Variants in EDIL3 observed in about 807,000 individuals in gnomAD.
The protein encoded by EDIL3 is EGF like and discoidin domains 3, also known as EGF-like repeat and discoidin I-like domain-containing protein 3.
A neutral mutation model predicts 67.4 loss-of-function variants in EDIL3; 37 were observed. The ratio of observed to expected loss-of-function variants is 0.55; its 90% CI spans 0.42 to 0.72. EDIL3 has a LOEUF of 0.72. Among genes scored for constraint, EDIL3 ranks in the 30% least tolerant of loss-of-function variants. EDIL3 has a pLI of 0.00. For missense variants in EDIL3, 527 were observed against 586.3 expected, an observed-to-expected ratio of 0.90 and a Z score of 1.04; for synonymous variants, 195 against 196.3, an observed-to-expected ratio of 0.99 and a Z score of 0.05.
intron 4 of EDIL3, among the ~76,000 whole-genome samples, chr5:84,144,611 A>G (rs750793344): frequency 1.3e-5 from 2 of 152,208 alleles, no homozygotes; most frequent in East Asian, 1.9e-4. Flanking sequence ...TTGACTCTGT[A>G]AAGTTATTTT....
chr5:83,995,479 A>G (rs1370752951), intron 9 of EDIL3, among the ~76,000 whole-genome samples: 1 of 152,190 alleles, frequency 6.6e-6, no homozygotes, highest in Non-Finnish European at 1.5e-5. Context: ...AGCAATAATC[A>G]TTAAAACTGC....
Position 84,382,721 on chromosome 5 carries a change from G to A in EDIL3, c.67+1587C>T, listed in dbSNP as rs1338171138. On this transcript the variant is annotated intron_variant, in intron 1 of 10. Coordinates refer to ENST00000296591, the MANE Select transcript of EDIL3 (RefSeq NM_005711.5). ...GAAGCACTCTCTTTTTTATATCGCT[G>A]GAGACTCGGCCGAGCAACTACTGGA... Among the ~76,000 whole-genome samples, 3 of 152,236 alleles carry A rather than the reference G, an allele frequency of 2.0e-5. No individual in the cohort carries two copies. The East Asian group carries it at 5.8e-4, about 29-fold the overall frequency.
intron 1 of EDIL3, among the ~76,000 whole-genome samples, chr5:84,345,059 C>T (rs1037357168): frequency 2.0e-5 from 3 of 152,136 alleles, no homozygotes; most frequent in African/African-American, 4.8e-5. Context: ...ATTCTCTCAT[C>T]TTTTCCCATG....
chr5:83,989,555 G>A (rs967128873), intron 9 of EDIL3, among the ~76,000 whole-genome samples: 4 of 152,196 alleles, frequency 2.6e-5, no homozygotes, highest in Non-Finnish European at 5.9e-5. Flanking sequence ...TCATTTGAAT[G>A]AAAGGGGACA....
chr5:83,983,747 T>C (rs1158018537), intron 9 of EDIL3, among the ~76,000 whole-genome samples: 2 of 150,798 alleles, frequency 1.3e-5, no homozygotes, highest in African/African-American at 4.9e-5. Flanking sequence ...ACTTTCTTTT[T>C]TTTTTTTTTT....
At chr5:84,382,149 T>C (rs1748089465) in intron 1 of EDIL3, among the ~76,000 whole-genome samples, 1 of 152,182 alleles carries the variant, frequency 6.6e-6, no homozygotes, top group African/African-American at 2.4e-5. Context: ...GGTCTATTTA[T>C]TTTTCCTCAA....
chr5:83,996,736 C>T (rs1384305685), intron 9 of EDIL3, among the ~76,000 whole-genome samples: 3 of 152,150 alleles, frequency 2.0e-5, no homozygotes, highest in Non-Finnish European at 4.4e-5. Flanking sequence ...AGCTATTCAA[C>T]CTTGGGAGGT....
At chr5:84,181,233 A>C (rs987706557) in intron 3 of EDIL3, 10 of 152,216 alleles carry the variant, frequency 6.6e-5, no homozygotes, top group Non-Finnish European at 1.5e-4. Context: ...GTGGCTGCTA[A>C]TGAAAGTGTG....
chr5:84,036,907 C>T (rs1746031730), intron 9 of EDIL3, among the ~76,000 whole-genome samples: 1 of 152,168 alleles, frequency 6.6e-6, no homozygotes, highest in Non-Finnish European at 1.5e-5. Context: ...GAGTGAGCTC[C>T]ATCTCATTCA....
At chr5:84,273,531 A>T (rs1465866443) in intron 1 of EDIL3, among the ~76,000 whole-genome samples, 1 of 152,206 alleles carries the variant, frequency 6.6e-6, no homozygotes, top group Non-Finnish European at 1.5e-5. Flanking sequence ...GTTAATATTC[A>T]TAAAAATGTT....
At chr5:84,075,129 C>G (rs1443114236) in intron 6 of EDIL3, among the ~76,000 whole-genome samples, 1 of 150,264 alleles carries the variant, frequency 6.7e-6, no homozygotes, top group Non-Finnish European at 1.5e-5. Context: ...TGTTCTCACT[C>G]ATAGGTGGGA....
At chr5:84,279,064 T>C (rs1408977743) in intron 1 of EDIL3, among the ~76,000 whole-genome samples, 2 of 152,190 alleles carry the variant, frequency 1.3e-5, no homozygotes, top group African/African-American at 2.4e-5. Context: ...TAGGATACCA[T>C]GATAATGCCT....
chr5:84,043,638 A>G (rs923870581), intron 9 of EDIL3, among the ~76,000 whole-genome samples: 2 of 152,234 alleles, frequency 1.3e-5, no homozygotes, highest in African/African-American at 2.4e-5. Flanking sequence ...TTTTTGGGTC[A>G]AGTTCTGCCA....
intron 1 of EDIL3, among the ~76,000 whole-genome samples, chr5:84,314,279 C>T (rs1361142854): frequency 6.6e-6 from 1 of 152,136 alleles, no homozygotes; most frequent in Non-Finnish European, 1.5e-5. Flanking sequence ...TGACTTGGCT[C>T]AGATCATGGA....
Position 84,030,478 on chromosome 5 carries a change from T to A in EDIL3, c.1137+29822A>T, listed in dbSNP as rs1745899830. On this transcript the variant is annotated intron_variant, in intron 9 of 10. Coordinates refer to ENST00000296591, the MANE Select transcript of EDIL3 (RefSeq NM_005711.5). The stretch of plus-strand genomic sequence containing the variant: ...TGTCTTGTCTACTAAGCAAAGCAAT[T>A]TTCCAAGATACAGTTGGGATATGAA... Among the ~76,000 whole-genome samples, 3 of 142,508 alleles carry A rather than the reference T, an allele frequency of 2.1e-5. No individual in the cohort carries two copies. In the South Asian group the frequency reaches 6.6e-4, roughly 31 times the overall value. 93.5% of individuals were successfully genotyped at this position (142,508 alleles called of 152,430 possible). A position where few individuals can be genotyped will look rare whatever the true frequency, so the allele number is the denominator to read the frequency against.
chr5:84,003,269 A>G (rs2112171800), intron 9 of EDIL3, among the ~76,000 whole-genome samples: 1 of 152,136 alleles, frequency 6.6e-6, no homozygotes, highest in South Asian at 2.1e-4. Flanking sequence ...CTGTATTTCC[A>G]TGGGGTGTAA....
chr5:84,198,664 C>T (rs1461499145), intron 3 of EDIL3, among the ~76,000 whole-genome samples: 2 of 151,978 alleles, frequency 1.3e-5, no homozygotes, highest in Non-Finnish European at 2.9e-5. Context: ...CACCATAGTT[C>T]TGGAAATACT....
chr5:84,360,640 G>A (rs305648), intron 1 of EDIL3, among the ~76,000 whole-genome samples: 2,285 of 152,138 alleles, frequency 0.015, 66 homozygotes, highest in African/African-American at 0.052. Flanking sequence ...GAGTAAACAT[G>A]GAAAGGAAAA....
At chr5:83,952,854 G>A (rs1347791330) in intron 10 of EDIL3, among the ~76,000 whole-genome samples, 1 of 151,906 alleles carries the variant, frequency 6.6e-6, no homozygotes, top group African/African-American at 2.4e-5. Flanking sequence ...TCATTGAAGA[G>A]TTTCACCCTA....
Sources: gnomAD v4.1 joint callset for allele counts (sites outside exome capture counted in the v4.1 genomes callset) on GRCh38, gnomAD v4.1.1 for gene constraint, MANE v1.5 for transcripts, NCBI Gene and HGNC (gene_info 2026-07-23, HGNC 2026-07-21) for gene names.